ADK: variants seen among roughly 807,000 people sequenced by gnomAD.
ADK encodes N6,N6-dimethyladenosine kinase.
ADK carries 24 observed loss-of-function variants against 44.7 expected under a neutral mutation model. That is an observed-to-expected ratio of 0.54 (90% CI 0.39 to 0.76). The LOEUF is 0.76. Ranked by LOEUF, ADK falls within the 30% of genes least tolerant of loss-of-function variation. The pLI is 0.00. For synonymous variants in ADK, 128 were observed against 142.6 expected, an observed-to-expected ratio of 0.90 and a Z score of 0.73; for missense variants, 321 against 425.1, an observed-to-expected ratio of 0.76 and a Z score of 2.15.
chr10:74,274,732 G>GTATATATATATATA (rs754929114), intron 3 of ADK, among the ~76,000 whole-genome samples: 1,146 of 84,100 alleles, frequency 0.014, 60 homozygotes, highest in Middle Eastern at 0.024. Flanking sequence ...TTTAATGTGT[G>GTATATATATATATA]TATATATATA....
intron 9 of ADK, among the ~76,000 whole-genome samples, chr10:74,634,788 T>TA (rs1371435886): frequency 6.6e-6 from 1 of 151,614 alleles, no homozygotes; most frequent in African/African-American, 2.4e-5. Flanking sequence ...CTACTAAAAA[T>TA]ACAAAAATTA....
At chr10:74,606,645 T>G (rs1047382332) in intron 9 of ADK, among the ~76,000 whole-genome samples, 1 of 152,200 alleles carries the variant, frequency 6.6e-6, no homozygotes, top group African/African-American at 2.4e-5. Flanking sequence ...GAGGAGTGTT[T>G]TACTTCCAAT....
intron 4 of ADK, among the ~76,000 whole-genome samples, chr10:74,324,555 C>T (rs1036754628): frequency 3.3e-5 from 5 of 152,108 alleles, no homozygotes; most frequent in African/African-American, 4.8e-5. Context: ...CTCCAGGTTC[C>T]TCCATGTTAT....
At chr10:74,694,142 AAC>A (rs1856084951) in intron 10 of ADK, among the ~76,000 whole-genome samples, 3 of 128,666 alleles carry the variant, frequency 2.3e-5, no homozygotes, top group Non-Finnish European at 3.2e-5. Context: ...ACTTTTTTCA[AAC>A]ACATTTTTTT....
chr10:74,289,819 CTTTT>C (rs1847335915), intron 3 of ADK, among the ~76,000 whole-genome samples: 2 of 121,216 alleles, frequency 1.6e-5, no homozygotes, highest in African/African-American at 5.9e-5. Context: ...ATGAGTTTTT[CTTTT>C]TTAGTGGGCC....
chr10:74,655,273 C>A, intron 9 of ADK: 1 of 465,408 alleles, frequency 2.1e-6, no homozygotes, highest in South Asian at 1.9e-5. Flanking sequence ...CAGTCTCACT[C>A]CATCTTTGAG....
intron 2 of ADK, among the ~76,000 whole-genome samples, chr10:74,215,419 T>C (rs1843974754): frequency 1.3e-5 from 2 of 152,148 alleles, no homozygotes; most frequent in Non-Finnish European, 2.9e-5. Flanking sequence ...CAAGTGATTC[T>C]CCTGCCTCAG....
chr10:74,189,338 CTG>C (rs1474828291), intron 1 of ADK, among the ~76,000 whole-genome samples: 2 of 152,102 alleles, frequency 1.3e-5, no homozygotes, highest in East Asian at 3.9e-4. Context: ...TACCATATAT[CTG>C]TAAATGATAA....
intron 3 of ADK, among the ~76,000 whole-genome samples, chr10:74,245,408 T>G (rs1845378273): frequency 6.6e-6 from 1 of 152,158 alleles, no homozygotes. Flanking sequence ...TTTTGGAATA[T>G]AAATCAGATC....
intron 4 of ADK, among the ~76,000 whole-genome samples, chr10:74,335,514 G>T (rs1841375779): frequency 6.6e-6 from 1 of 152,094 alleles, no homozygotes; most frequent in Non-Finnish European, 1.5e-5. Context: ...CACTCTAGAG[G>T]GATATTTGAA....
chr10:74,265,920 G>A (rs1277598809), intron 3 of ADK, among the ~76,000 whole-genome samples: 1 of 152,130 alleles, frequency 6.6e-6, no homozygotes, highest in Non-Finnish European at 1.5e-5. Flanking sequence ...GGTTTATAAA[G>A]TGCTTGTGAT....
chr10:74,350,481 AC>A (rs1357146114), intron 4 of ADK, among the ~76,000 whole-genome samples: 1 of 152,190 alleles, frequency 6.6e-6, no homozygotes, highest in Non-Finnish European at 1.5e-5. Context: ...TGAAATCAAC[AC>A]CCCAACATCA....
Position 74,387,751 on chromosome 10 carries a change from C to T in ADK, c.274-6390C>T, listed in dbSNP as rs574488163. ...TTTATTTGAAGTTACCAATAGTGGC[C>T]GTGGTTTTCCTATTCCTCCAGTTAG... On this transcript the variant is annotated intron_variant, in intron 4 of 10. Transcript: ENST00000539909. Among the ~76,000 whole-genome samples, 22 of 152,190 alleles carry T rather than the reference C, an allele frequency of 1.4e-4. No homozygotes were observed. In the South Asian group the frequency reaches 3.9e-3, roughly 27 times the overall value.
intron 7 of ADK, among the ~76,000 whole-genome samples, chr10:74,565,727 CAA>C (rs398014155): frequency 3.2e-5 from 2 of 63,414 alleles, no homozygotes; most frequent in Non-Finnish European, 3.3e-5. Context: ...AACTCCGTCT[CAA>C]AAAAAAAAAA....
intron 7 of ADK, among the ~76,000 whole-genome samples, chr10:74,575,931 A>C (rs1851168260): frequency 6.6e-6 from 1 of 152,138 alleles, no homozygotes; most frequent in African/African-American, 2.4e-5. Flanking sequence ...GATTGGAAAC[A>C]AGAGTTTTAG....
rs149237168 is a variant in ADK at position 74,487,943 on chromosome 10, A to G, written c.556-37313A>G. ...CTATTTAATCTTTTAAGAAGGAGAC[A>G]TAATCCACCCTCACCAAGTGATTCA... On this transcript the variant is annotated intron_variant, in intron 6 of 10. Coordinates refer to ENST00000539909, the MANE Select transcript of ADK (RefSeq NM_006721.4). Among the ~76,000 whole-genome samples, 535 of 152,210 alleles carry G rather than the reference A, an allele frequency of 3.5e-3. 7 individuals are homozygous for G. Among genetic ancestry groups the G allele is most frequent in the Non-Finnish European group, 5.2e-3 (353 of 67,918 alleles).
At chr10:74,290,820 T>G (rs1012489434) in intron 3 of ADK, among the ~76,000 whole-genome samples, 1 of 152,158 alleles carries the variant, frequency 6.6e-6, no homozygotes, top group Admixed American at 6.5e-5. Context: ...ATGGCTCTTA[T>G]AGAATAAAGA....
intron 7 of ADK, among the ~76,000 whole-genome samples, chr10:74,574,154 G>A (rs1022160977): frequency 2.0e-5 from 3 of 150,402 alleles, no homozygotes; most frequent in Non-Finnish European, 3.0e-5. Context: ...TCTTGGCTCC[G>A]CTACTTTCTT....
At chr10:74,198,137 A>G (rs1172715956) in intron 1 of ADK, among the ~76,000 whole-genome samples, 1 of 146,686 alleles carries the variant, frequency 6.8e-6, no homozygotes, top group Non-Finnish European at 1.5e-5. Flanking sequence ...TTTTTTAAAT[A>G]ACAAGTTCTA....
Sources: allele counts gnomAD v4.1 joint callset (sites outside exome capture counted in the v4.1 genomes callset), GRCh38; gene constraint gnomAD v4.1.1; transcripts MANE v1.5; gene names NCBI Gene and HGNC (gene_info 2026-07-23, HGNC 2026-07-21).